Variants in PGM5 observed in about 807,000 individuals in gnomAD.
The protein encoded by PGM5 is phosphoglucomutase-like protein 5.
Under a neutral mutation model 59.2 loss-of-function variants are expected in PGM5, and 23 were observed. The ratio of observed to expected loss-of-function variants is 0.39; its 90% CI spans 0.28 to 0.55. PGM5 has a LOEUF of 0.55. Among genes scored for constraint, PGM5 ranks in the 20% least tolerant of loss-of-function variants. The pLI is 0.66. For missense variants in PGM5, 574 were observed against 748.3 expected, an observed-to-expected ratio of 0.77 and a Z score of 2.72; for synonymous variants, 214 against 286.0, an observed-to-expected ratio of 0.75 and a Z score of 2.54.
chr9:68,485,190 A>G (rs1554687460), intron 9 of PGM5, among the ~76,000 whole-genome samples: 1 of 151,874 alleles, frequency 6.6e-6, no homozygotes. Flanking sequence ...TTTTCCTTAG[A>G]TTTTCTTTAA....
chr9:68,395,033 T>G (rs1476528548), intron 6 of PGM5, among the ~76,000 whole-genome samples: 5 of 152,192 alleles, frequency 3.3e-5, no homozygotes, highest in Admixed American at 3.3e-4. Context: ...TATATGTCTT[T>G]GTCAACTACA....
chr9:68,439,790 GGT>G (rs567043763), intron 6 of PGM5, among the ~76,000 whole-genome samples: 9 of 151,360 alleles, frequency 5.9e-5, no homozygotes, highest in African/African-American at 2.2e-4. Context: ...CTTTATTTCT[GGT>G]CAGAGAACCA....
intron 4 of PGM5, among the ~76,000 whole-genome samples, chr9:68,391,137 A>C (rs1822352967): frequency 1.3e-5 from 2 of 152,122 alleles, no homozygotes; most frequent in South Asian, 2.1e-4. Flanking sequence ...GGCAGAGTCC[A>C]AATGATTGCA....
At chr9:68,505,275 C>T (rs1257168106) in intron 10 of PGM5, among the ~76,000 whole-genome samples, 1 of 152,132 alleles carries the variant, frequency 6.6e-6, no homozygotes, top group East Asian at 1.9e-4. Flanking sequence ...ACCTCTGGAG[C>T]CTCAGTACAG....
chr9:68,421,139 G>A (rs1181747102), intron 6 of PGM5, among the ~76,000 whole-genome samples: 2 of 152,204 alleles, frequency 1.3e-5, no homozygotes, highest in African/African-American at 4.8e-5. Flanking sequence ...AAGGGGAGAC[G>A]AGGTGTGTAC....
chr9:68,441,227 C>A (rs1823524584), intron 6 of PGM5, among the ~76,000 whole-genome samples: 1 of 151,818 alleles, frequency 6.6e-6, no homozygotes, highest in South Asian at 2.1e-4. Flanking sequence ...TAAAAAAATT[C>A]TAAATAATAT....
intron 1 of PGM5, chr9:68,357,666 T>C (rs1270935061): frequency 7.8e-6 from 4 of 512,632 alleles, no homozygotes; most frequent in African/African-American, 6.0e-5. Context: ...CCTGGACTCT[T>C]CTCCGACTCT....
chr9:68,364,041 T>G (rs1554676483), intron 1 of PGM5, among the ~76,000 whole-genome samples: 2 of 152,274 alleles, frequency 1.3e-5, no homozygotes, highest in African/African-American at 4.8e-5. Context: ...TACAGTTTTG[T>G]TGCAAGTTTT....
intron 6 of PGM5, chr9:68,395,863 G>A (rs1822486886): frequency 6.6e-6 from 1 of 151,786 alleles, no homozygotes; most frequent in Admixed American, 6.6e-5. Context: ...GTCCACGATG[G>A]TGAACTAAAC....
chr9:68,378,370 T>C lies in PGM5; in HGVS notation c.424+9T>C, dbSNP rs868993683. The C allele has an allele frequency of 6.3e-7, 1 of 1,595,346 alleles. No homozygotes were observed. Among genetic ancestry groups the C allele is most frequent in the Non-Finnish European group, 8.5e-7 (1 of 1,172,802 alleles). On this transcript the variant is annotated intron_variant, in intron 2 of 10. Coordinates refer to ENST00000396396, the MANE Select transcript of PGM5 (RefSeq NM_021965.4). ...TAATGTTGCCAATGGAGGTATGTGG[T>C]TCAGCATATGCCTTAATAATTACGA...
At chr9:68,525,414 A>C (rs1390293370) in intron 10 of PGM5, among the ~76,000 whole-genome samples, 3 of 152,204 alleles carry the variant, frequency 2.0e-5, no homozygotes, top group African/African-American at 7.2e-5. Flanking sequence ...GCGTAGTGAT[A>C]TCTCTGTCAA....
At chr9:68,524,407 G>C (rs1824942611) in intron 10 of PGM5, among the ~76,000 whole-genome samples, 1 of 152,088 alleles carries the variant, frequency 6.6e-6, no homozygotes, top group Admixed American at 6.5e-5. Context: ...AGGCCTGCTT[G>C]GTTTGGAGCA....
chr9:68,489,663 T>C (rs11791828), intron 9 of PGM5, among the ~76,000 whole-genome samples: 29,656 of 151,664 alleles, frequency 0.2, 3,308 homozygotes, highest in East Asian at 0.41. Context: ...GACAGGGTTT[T>C]ACCATGTTGG....
chr9:68,482,766 GTTTA>G (rs1267875652), intron 8 of PGM5, among the ~76,000 whole-genome samples: 2 of 152,188 alleles, frequency 1.3e-5, no homozygotes, highest in South Asian at 4.1e-4. Flanking sequence ...GTAAAATATA[GTTTA>G]TTTATGGTGG....
At chr9:68,521,882 A>C (rs1422995951) in intron 10 of PGM5, among the ~76,000 whole-genome samples, 1 of 152,196 alleles carries the variant, frequency 6.6e-6, no homozygotes, top group Non-Finnish European at 1.5e-5. Flanking sequence ...AGCTGCTCCT[A>C]CAGACAGCGG....
At chr9:68,357,466 C>A in intron 1 of PGM5, 78 bp downstream of exon 1, 1 of 1,518,690 alleles carries the variant, frequency 6.6e-7, no homozygotes, top group Admixed American at 2.0e-5. Context: ...CTGCTGCCTC[C>A]GGGCCCAGTT....
At chr9:68,519,752 A>C (rs1355272492) in intron 10 of PGM5, among the ~76,000 whole-genome samples, 1 of 151,818 alleles carries the variant, frequency 6.6e-6, no homozygotes, top group Non-Finnish European at 1.5e-5. Context: ...CTTTAAATAT[A>C]AGTGAACTAA....
intron 2 of PGM5, among the ~76,000 whole-genome samples, chr9:68,383,878 A>T (rs1262813855): frequency 2.0e-4 from 31 of 151,762 alleles, no homozygotes; most frequent in Non-Finnish European, 4.1e-4. Context: ...GTTGAGCTTC[A>T]TTTTGGAAGT....
At chr9:68,494,371 G>C (rs781845979) in intron 9 of PGM5, among the ~76,000 whole-genome samples, 4 of 152,170 alleles carry the variant, frequency 2.6e-5, no homozygotes, top group Admixed American at 6.5e-5. Flanking sequence ...AGCCCAGTGA[G>C]AGCCTATGTA....
Sources: allele counts gnomAD v4.1 joint callset (sites outside exome capture counted in the v4.1 genomes callset), GRCh38; gene constraint gnomAD v4.1.1; transcripts MANE v1.5; gene names NCBI Gene and HGNC (gene_info 2026-07-23, HGNC 2026-07-21).